Variants in SHBG observed in about 807,000 individuals in gnomAD.
SHBG encodes the protein sex hormone binding globulin, also known as sex hormone-binding globulin.
In SHBG, 37 loss-of-function variants were observed where a neutral mutation model predicts 41.9. That is an observed-to-expected ratio of 0.88 (90% CI 0.68 to 1.16). SHBG has a LOEUF of 1.16. Among genes scored for constraint, SHBG ranks in the 50% most tolerant of loss-of-function variants. The pLI is 0.00. For synonymous variants in SHBG, 217 were observed against 205.8 expected, an observed-to-expected ratio of 1.05 and a Z score of -0.47; for missense variants, 466 against 499.9, an observed-to-expected ratio of 0.93 and a Z score of 0.65.
chr17:7,625,025 C>G (rs894840276), upstream of SHBG, among the ~76,000 whole-genome samples: 1 of 146,488 alleles, frequency 6.8e-6, no homozygotes, highest in Non-Finnish European at 1.5e-5. Flanking sequence ...TCTTGACTCA[C>G]TGCAACCTCC....
In SHBG at chr17:7,630,318, G is replaced by C; in HGVS notation, c.111+35G>C. 1 of 1,596,852 alleles carries C rather than the reference G, an allele frequency of 6.3e-7. No individual in the cohort carries two copies. Reference sequence around the variant, plus strand: ...CGGGACAGGGCACTCAGCTCATGCAGTCTTCCCTTCTCTCCTCTGGCCCTG... The same window carrying C: ...CGGGACAGGGCACTCAGCTCATGCACTCTTCCCTTCTCTCCTCTGGCCCTG... On this transcript the variant is annotated intron_variant, in intron 1 of 7. Coordinates refer to ENST00000380450, the MANE Select transcript of SHBG (RefSeq NM_001040.5). This position sits in a 1 kb window ranked among gnomAD's most constrained non-coding sequence, Gnocchi z 4.6.
chr17:7,627,093 C>A, upstream of SHBG: 1 of 1,613,246 alleles, frequency 6.2e-7, no homozygotes, highest in Non-Finnish European at 8.5e-7. The surrounding 1 kb of genome is among the most constrained non-coding windows in gnomAD (Gnocchi z 4.8). Flanking sequence ...TGTGGGGAGA[C>A]CTCTGAGGCC....
upstream of SHBG, among the ~76,000 whole-genome samples, chr17:7,623,000 G>A (rs2072126751): frequency 6.6e-6 from 1 of 150,590 alleles, no homozygotes; most frequent in Admixed American, 6.6e-5. Flanking sequence ...TCGCGCCACT[G>A]CACTCCAGCC....
chr17:7,633,091 T>A, intron 7 of SHBG, 113 bp from the exon 8 acceptor site: 1 of 1,426,592 alleles, frequency 7.0e-7, no homozygotes, highest in Non-Finnish European at 9.9e-7. Flanking sequence ...ATGGGGGCAG[T>A]GGAAGGTAGT....
chr17:7,615,692 G>A (rs188750247), intron 1 of SHBG, among the ~76,000 whole-genome samples: 1 of 141,174 alleles, frequency 7.1e-6, no homozygotes, highest in South Asian at 2.2e-4. Flanking sequence ...AAATTAGCCG[G>A]GCGTGGTGAC....
chr17:7,630,863 GCA>G lies in SHBG; in HGVS notation c.389_390del (p.His130ProfsTer83). 1 of 1,612,798 alleles carries G rather than the reference GCA, an allele frequency of 6.2e-7. No homozygotes were observed. The highest frequency in any genetic ancestry group is 1.3e-5 in the African/African-American group (1 of 74,990). ...AGPRLDDGRW[H>X]QVEVKMEGDS... ...GACCACGGCTGGATGATGGGAGATGGCACCAGGTAAGCTAGCTCTGGTCCTCA... is the reference window on the plus strand; with the variant it reads ...GACCACGGCTGGATGATGGGAGATGGCCAGGTAAGCTAGCTCTGGTCCTCA... On this transcript the variant is annotated frameshift_variant, in exon 3 of 8. Coordinates refer to ENST00000380450, the MANE Select transcript of SHBG (RefSeq NM_001040.5). LOFTEE classifies it high-confidence loss of function. The surrounding 1 kb of genome is among the most constrained non-coding windows in gnomAD (Gnocchi z 4.6).
At chr17:7,615,657 C>T (rs1485305536) in intron 1 of SHBG, among the ~76,000 whole-genome samples, 1 of 91,184 alleles carries the variant, frequency 1.1e-5, no homozygotes, top group African/African-American at 3.9e-5. Flanking sequence ...ACCCCCCCCC[C>T]CACCCCGCAT....
chr17:7,629,097 G>T (rs1485380253), upstream of SHBG, among the ~76,000 whole-genome samples: 2 of 151,758 alleles, frequency 1.3e-5, no homozygotes, highest in Non-Finnish European at 2.9e-5. Context: ...GGAGGGTCGG[G>T]CCTTGTGGCT....
At position 7,630,350 on chromosome 17, in the gene SHBG, G is replaced by T; in HGVS notation, c.112-66G>T. 1 of 1,590,278 alleles carries T rather than the reference G, an allele frequency of 6.3e-7. No homozygotes were observed. On this transcript the variant is annotated intron_variant, in intron 1 of 7. Transcript: ENST00000380450. The surrounding 1 kb of genome is among the most constrained non-coding windows in gnomAD (Gnocchi z 4.6). The stretch of plus-strand genomic sequence containing the variant: ...CTTCTCTCCTCTGGCCCTGTAGCAG[G>T]GCCTCTCCCTCTGTCTGTCTCTGAC...
At position 7,619,411 on chromosome 17, in the gene SHBG, A is replaced by G. The variant is rs182452672; in HGVS notation, c.-62+5300A>G. On this transcript the variant is annotated intron_variant, in intron 1 of 5. Coordinates refer to the SHBG transcript ENST00000570547. ...ATCTCAAAAAAAAAAAAAAATCATA[A>G]TAATGTAAATGCTAAGGCTGGTGCG... Among the ~76,000 whole-genome samples the G allele has an allele frequency of 5.3e-5, 8 of 150,920 alleles. No individual in the cohort carries two copies. In the East Asian group the frequency reaches 1.6e-3, roughly 30 times the overall value.
intron 4 of SHBG, 48 bp from the exon 5 acceptor site, chr17:7,631,541 G>C: frequency 6.2e-7 from 1 of 1,608,784 alleles, no homozygotes; most frequent in Non-Finnish European, 8.5e-7. Context: ...CTGCGGCTCC[G>C]ATGCCCTGAT....
Position 7,633,289 on chromosome 17 carries a change from C to G in SHBG, c.1146C>G (p.Ser382Arg). ...RLDVDQALNR[S>R]HEIWTHSCPQ... ...ATGTGGACCAGGCCCTGAACAGAAG[C>G]CATGAGATCTGGACTCACAGCTGCC... Residue 382 changes from serine to arginine, a missense_variant, in exon 8 of 8, where the codon AGC becomes AGG. By Grantham distance (110) the Ser-to-Arg change is moderately radical. Transcript: ENST00000380450. 2 of 1,614,146 alleles carry G rather than the reference C, an allele frequency of 1.2e-6. No homozygotes were observed. Among genetic ancestry groups the G allele is most frequent in the Non-Finnish European group, 1.7e-6 (2 of 1,180,004 alleles).
At position 7,630,469 on chromosome 17, in the gene SHBG, T is replaced by C. The variant is rs760877610; in HGVS notation, c.165T>C (p.Pro55=). Reference sequence around the variant, plus strand: ...TCAGCAATGGCCCAGGACAAGAGCCTATCGCTGTCATGACCTTTGACCTCA... The same window carrying C: ...TCAGCAATGGCCCAGGACAAGAGCCCATCGCTGTCATGACCTTTGACCTCA... ...VHLSNGPGQE[P]IAVMTFDLTK... Residue 55 remains proline (P), a synonymous_variant, in exon 2 of 8, where the codon CCT becomes CCC. Coordinates refer to ENST00000380450, the MANE Select transcript of SHBG (RefSeq NM_001040.5). The surrounding 1 kb of genome is among the most constrained non-coding windows in gnomAD (Gnocchi z 4.6). The C allele has an allele frequency of 3.7e-6, 6 of 1,614,150 alleles. No individual in the cohort carries two copies. The highest frequency in any genetic ancestry group is 5.1e-6 in the Non-Finnish European group (6 of 1,180,004).
Position 7,631,337 on chromosome 17 carries a change from C to T in SHBG, c.531C>T (p.Phe177=). 1 of 1,613,642 alleles carries T rather than the reference C, an allele frequency of 6.2e-7. No individual in the cohort carries two copies. The highest frequency in any genetic ancestry group is 8.5e-7 in the Non-Finnish European group (1 of 1,179,824). ...GGATTGCGCTTGGGGGGCTGCTCTT[C>T]CCCGCTTCCAACCTTCGGTTGCCGG... ...IMRIALGGLL[F]PASNLRLPLV... is the part of the protein sequence containing the mutation. The change falls in exon 4 of 8, where the codon TTC becomes TTT. Residue 177 remains phenylalanine (F), a synonymous_variant. Transcript: ENST00000380450.
At chr17:7,626,835 G>A (rs755086963), upstream of SHBG, 3 of 1,610,722 alleles carry the variant, frequency 1.9e-6, no homozygotes, top group Non-Finnish European at 1.7e-6. Flanking sequence ...TATTGTTTGA[G>A]CTGAAGGGGA....
At chr17:7,632,052 G>A (rs745791290) in intron 6 of SHBG, 37 bp downstream of exon 6, 7 of 1,606,500 alleles carry the variant, frequency 4.4e-6, no homozygotes, top group Non-Finnish European at 5.9e-6. Flanking sequence ...TGTATTCAGT[G>A]GAGCCTGGAG....
Position 7,630,595 on chromosome 17 carries a change from A to G in SHBG, c.204-85A>G. ...CTCTTTTCCCTGTCTTCCTTTCCTT[A>G]TCTGTGAACACCATCTCCCCCAAAC... On this transcript the variant is annotated intron_variant, in intron 2 of 7. Coordinates refer to ENST00000380450, the MANE Select transcript of SHBG (RefSeq NM_001040.5). This position sits in a 1 kb window ranked among gnomAD's most constrained non-coding sequence, Gnocchi z 4.6. 3 of 1,533,658 alleles carry G rather than the reference A, an allele frequency of 2.0e-6. No homozygotes were observed. In the Admixed American group the frequency reaches 5.1e-5, roughly 26 times the overall value.
At position 7,630,655 on chromosome 17, in the gene SHBG, A is replaced by G; in HGVS notation, c.204-25A>G. 6.2e-7 allele frequency: 1 copy of G among 1,606,368 alleles called. No individual in the cohort carries two copies. The highest frequency in any genetic ancestry group is 8.5e-7 in the Non-Finnish European group (1 of 1,173,618). ...TTCTCAAAGGACACATGACATACAC[A>G]ATCTTTCCTTCTGTGTCCTTCCAGA... On this transcript the variant is annotated intron_variant, in intron 2 of 7. Coordinates refer to ENST00000380450, the MANE Select transcript of SHBG (RefSeq NM_001040.5). This position sits in a 1 kb window ranked among gnomAD's most constrained non-coding sequence, Gnocchi z 4.6.
Position 7,632,732 on chromosome 17 carries a change from C to T in SHBG, c.853-20C>T. On this transcript the variant is annotated intron_variant, in intron 6 of 7. Coordinates refer to ENST00000380450, the MANE Select transcript of SHBG (RefSeq NM_001040.5). ...ATTCTTCCCTCTCTCTCTACCGTCCCTTTCCCACACACTCTGCAGAAGGTG... is the reference window on the plus strand; with the variant it reads ...ATTCTTCCCTCTCTCTCTACCGTCCTTTTCCCACACACTCTGCAGAAGGTG... 1 of 1,602,438 alleles carries T rather than the reference C, an allele frequency of 6.2e-7. No homozygotes were observed. The highest frequency in any genetic ancestry group is 8.5e-7 in the Non-Finnish European group (1 of 1,170,470).
Sources: allele counts gnomAD v4.1 joint callset (sites outside exome capture counted in the v4.1 genomes callset), GRCh38; gene constraint gnomAD v4.1.1; non-coding constraint Gnocchi (gnomAD v3.1); transcripts MANE v1.5; gene names NCBI Gene and HGNC (gene_info 2026-07-23, HGNC 2026-07-21).